The following ASIC2 variants were observed in gnomAD, a reference collection of about 807,000 sequenced individuals.
ASIC2 encodes acid-sensing ion channel 2.
ASIC2 carries 25 observed loss-of-function variants against 57.3 expected under a neutral mutation model. That is an observed-to-expected ratio of 0.44 (90% CI 0.32 to 0.61). The LOEUF (loss-of-function observed/expected upper bound fraction) is 0.61, where lower values mean the gene tolerates loss of function less well. ASIC2 is among the 20% of genes least tolerant of loss of function. The probability of loss-of-function intolerance (pLI) is 0.06; values close to 1 mark genes in which losing one functional copy is unlikely to be tolerated. For synonymous variants in ASIC2, 319 were observed against 307.5 expected (o/e 1.04, Z -0.39); for missense variants, 641 against 738.1 (o/e 0.87, Z 1.52).
At chr17:33,846,818 G>A (rs948729425) in intron 1 of ASIC2, among the ~76,000 whole-genome samples, 10 of 151,388 alleles carry the variant, frequency 6.6e-5, no homozygotes, top group South Asian at 4.2e-4. Flanking sequence ...TCTGCCTCCC[G>A]GGTTCACGCC....
intron 1 of ASIC2, among the ~76,000 whole-genome samples, chr17:33,258,618 T>C (rs1292447989): frequency 6.6e-6 from 1 of 152,148 alleles, no homozygotes; most frequent in Non-Finnish European, 1.5e-5. Flanking sequence ...TTGCCTAGAA[T>C]GTTTGTGGAA....
At chr17:34,134,950 G>T (rs1912087888) in intron 1 of ASIC2, among the ~76,000 whole-genome samples, 1 of 152,154 alleles carries the variant, frequency 6.6e-6, no homozygotes, top group South Asian at 2.1e-4. Context: ...TAATAGTAAT[G>T]CCTTGAACTT....
chr17:33,857,539 G>C (rs1913993708), intron 1 of ASIC2, among the ~76,000 whole-genome samples: 1 of 152,198 alleles, frequency 6.6e-6, no homozygotes, highest in Admixed American at 6.5e-5. Context: ...GAGAAGTCTA[G>C]GCTCAGAGGC....
chr17:33,555,423 A>AC (rs35837242), intron 1 of ASIC2, among the ~76,000 whole-genome samples: 85,200 of 151,790 alleles, frequency 0.56, 24,918 homozygotes, highest in African/African-American at 0.73. Context: ...GCAAAGTGAG[A>AC]CCCCCCAGCA....
Position 33,060,514 on chromosome 17 carries a change from G to A in ASIC2, c.987+28349C>T, listed in dbSNP as rs1336590943. Among the ~76,000 whole-genome samples, 5 of 152,176 alleles carry A rather than the reference G, an allele frequency of 3.3e-5. No individual in the cohort carries two copies. In the South Asian group the frequency reaches 1.0e-3, roughly 32 times the overall value. ...CTGAGGGCTCTGTTCTGTTCCGTTGGTCTATATCTCTGTTTTGGTACAAGT... is the reference window on the plus strand; with the variant it reads ...CTGAGGGCTCTGTTCTGTTCCGTTGATCTATATCTCTGTTTTGGTACAAGT... On this transcript the variant is annotated intron_variant, in intron 3 of 9. Coordinates refer to ENST00000225823, the MANE Select transcript of ASIC2 (RefSeq NM_183377.2).
chr17:33,388,384 G>A (rs547422402), intron 1 of ASIC2, among the ~76,000 whole-genome samples: 7 of 152,198 alleles, frequency 4.6e-5, no homozygotes, highest in Admixed American at 1.3e-4. Flanking sequence ...CTACATGTGA[G>A]AATGGGCCCA....
At chr17:33,625,162 T>C (rs1322640228) in intron 1 of ASIC2, among the ~76,000 whole-genome samples, 1 of 152,130 alleles carries the variant, frequency 6.6e-6, no homozygotes, top group Non-Finnish European at 1.5e-5. Flanking sequence ...TATCTATCTA[T>C]CTATCTATCT....
chr17:34,082,730 G>A (rs138660927), intron 1 of ASIC2, among the ~76,000 whole-genome samples: 1 of 152,278 alleles, frequency 6.6e-6, no homozygotes, highest in East Asian at 1.9e-4. Context: ...AAATCCTTTT[G>A]CACAACCTCT....
At chr17:34,098,742 G>A (rs1336375904) in intron 1 of ASIC2, among the ~76,000 whole-genome samples, 3 of 152,132 alleles carry the variant, frequency 2.0e-5, no homozygotes, top group Non-Finnish European at 2.9e-5. Flanking sequence ...CCACACTAAA[G>A]GCGACTGGAA....
intron 3 of ASIC2, among the ~76,000 whole-genome samples, chr17:33,084,168 C>T (rs1323149407): frequency 6.6e-6 from 1 of 152,198 alleles, no homozygotes; most frequent in African/African-American, 2.4e-5. Context: ...CAGGGACTCC[C>T]AGGTGGTGAA....
intron 2 of ASIC2, among the ~76,000 whole-genome samples, chr17:33,094,989 A>G (rs780811261): frequency 6.6e-6 from 1 of 152,178 alleles, no homozygotes; most frequent in Non-Finnish European, 1.5e-5. Flanking sequence ...AAGTTATTTA[A>G]TCTCTTGGAG....
chr17:33,716,714 C>G (rs1411907068), intron 1 of ASIC2, among the ~76,000 whole-genome samples: 1 of 152,124 alleles, frequency 6.6e-6, no homozygotes, highest in Non-Finnish European at 1.5e-5. Flanking sequence ...CTCATGCCAT[C>G]TGTCTGTCAT....
chr17:33,433,381 A>G (rs1027108259), intron 1 of ASIC2, among the ~76,000 whole-genome samples: 2 of 152,238 alleles, frequency 1.3e-5, no homozygotes, highest in Admixed American at 6.5e-5. Context: ...GGTGAACGCT[A>G]GACACTGGGC....
chr17:33,708,071 C>T (rs1036089392), intron 1 of ASIC2, among the ~76,000 whole-genome samples: 1 of 152,190 alleles, frequency 6.6e-6, no homozygotes, highest in Non-Finnish European at 1.5e-5. Flanking sequence ...CCTCCAGTCT[C>T]CTGCTAGATA....
rs373777759 is a variant in ASIC2, at chr17:33,852,662, A to G, written c.555+303316T>C. 2.2e-4 allele frequency among the ~76,000 whole-genome samples: 33 copies of G among 151,396 alleles called. No homozygotes were observed. In the East Asian group the frequency reaches 6.3e-3, roughly 29 times the overall value. Reference sequence around the variant, plus strand: ...CTGAGGGCTGTCTGATTGCAAAGCCATCTTTCTTTCCCTACACCTTGCTAC... The same window carrying G: ...CTGAGGGCTGTCTGATTGCAAAGCCGTCTTTCTTTCCCTACACCTTGCTAC... On this transcript the variant is annotated intron_variant, in intron 1 of 9. Transcript: ENST00000359872.
At chr17:33,318,716 G>A (rs1906752765) in intron 1 of ASIC2, among the ~76,000 whole-genome samples, 1 of 152,196 alleles carries the variant, frequency 6.6e-6, no homozygotes, top group Non-Finnish European at 1.5e-5. Context: ...GCCCTGTGGA[G>A]GGTCGTGTGT....
At position 33,291,437 on chromosome 17, in the gene ASIC2, C is replaced by A; in HGVS notation, c.679G>T (p.Glu227Ter). 6.2e-7 allele frequency: 1 copy of A among 1,605,946 alleles called. No homozygotes were observed. Among genetic ancestry groups the A allele is most frequent in the Non-Finnish European group, 8.5e-7 (1 of 1,176,094 alleles). The change falls in exon 1 of 10, where the codon GAG becomes TAG. Residue 227 changes from glutamate (E) to a stop codon, truncating the protein, a stop_gained. Coordinates refer to ENST00000225823, the MANE Select transcript of ASIC2 (RefSeq NM_183377.2). LOFTEE classifies it high-confidence loss of function. ...DMLLSCKYRGELCGPHNFSSV... is the reference protein window; with the variant it reads ...DMLLSCKYRG ...GAGAAGTTGTGCGGCCCGCAGAGCT[C>A]GCCGCGGTACTTGCAGGAGAGCAGC... is the stretch of plus-strand genomic sequence containing the variant.
intron 1 of ASIC2, among the ~76,000 whole-genome samples, chr17:34,115,272 A>G (rs1911393748): frequency 6.6e-6 from 1 of 152,234 alleles, no homozygotes; most frequent in Non-Finnish European, 1.5e-5. Flanking sequence ...TGGATGGTAC[A>G]AAAACAAAGA....
At chr17:34,016,319 G>C (rs1463890532) in intron 1 of ASIC2, among the ~76,000 whole-genome samples, 1 of 151,564 alleles carries the variant, frequency 6.6e-6, no homozygotes, top group Non-Finnish European at 1.5e-5. Context: ...AGCTACTCGG[G>C]AGGCTGAGGC....
Sources: allele counts gnomAD v4.1 joint callset (sites outside exome capture counted in the v4.1 genomes callset), GRCh38; gene constraint gnomAD v4.1.1; transcripts MANE v1.5; gene names NCBI Gene and HGNC (gene_info 2026-07-23, HGNC 2026-07-21).